Variants in BEND6 observed in about 807,000 individuals in gnomAD.
BEND6 encodes BEN domain-containing protein 6.
BEND6 carries 24 observed loss-of-function variants against 31.8 expected under a neutral mutation model. The observed-to-expected ratio is 0.75, with a 90% CI of 0.55 to 1.06. The LOEUF is 1.06. Among genes scored for constraint, BEND6 ranks in the 50% least tolerant of loss-of-function variants. BEND6 has a pLI of 0.00. For synonymous variants in BEND6, 109 were observed against 114.6 expected, an observed-to-expected ratio of 0.95 and a Z score of 0.31; for missense variants, 294 against 327.4, an observed-to-expected ratio of 0.90 and a Z score of 0.79.
At chr6:57,020,360 C>T (rs1240267977) in intron 6 of BEND6, among the ~76,000 whole-genome samples, 1 of 151,710 alleles carries the variant, frequency 6.6e-6, no homozygotes, top group Non-Finnish European at 1.5e-5. Context: ...AATCCTTCCA[C>T]CTTGAACTCC....
chr6:56,955,618 A>G (rs1824739709), intron 1 of BEND6, among the ~76,000 whole-genome samples, 158 bp downstream of exon 1: 1 of 152,164 alleles, frequency 6.6e-6, no homozygotes, highest in Non-Finnish European at 1.5e-5. Context: ...TGGTCGGCAG[A>G]GGTGAACTCT....
At chr6:56,956,010 C>T (rs1450631441) in intron 1 of BEND6, among the ~76,000 whole-genome samples, 1 of 152,202 alleles carries the variant, frequency 6.6e-6, no homozygotes, top group Non-Finnish European at 1.5e-5. Flanking sequence ...CGGACGGCCA[C>T]GGCCACCTGG....
chr6:56,975,923 G>T, intron 1 of BEND6: 1 of 531,908 alleles, frequency 1.9e-6, no homozygotes, highest in South Asian at 1.4e-5. Flanking sequence ...TCCTCCAGTG[G>T]TGAGGAAGTA....
intron 2 of BEND6, among the ~76,000 whole-genome samples, chr6:56,987,299 G>A (rs1359964610): frequency 3.3e-5 from 5 of 152,096 alleles, no homozygotes; most frequent in African/African-American, 1.2e-4. Flanking sequence ...TATTTCATTA[G>A]TTCCTCCAGA....
Position 56,959,493 on chromosome 6 carries a change from A to G in BEND6, c.-101+4033A>G, listed in dbSNP as rs140731881. On this transcript the variant is annotated intron_variant, in intron 1 of 6. Transcript: ENST00000370746. ...AGCAATAAATTATTAGAAATAAAGC[A>G]TATTGATTTTGGCCTGGTAACTTCC... is the stretch of plus-strand genomic sequence containing the variant. Among the ~76,000 whole-genome samples the G allele has an allele frequency of 9.8e-3, 1,493 of 152,318 alleles. 20 individuals are homozygous for G. Among genetic ancestry groups the G allele is most frequent in the African/African-American group, 0.034 (1,413 of 41,564 alleles).
intron 2 of BEND6, among the ~76,000 whole-genome samples, chr6:56,990,626 G>A (rs191355979): frequency 5.3e-5 from 8 of 152,180 alleles, no homozygotes; most frequent in Admixed American, 1.3e-4. Context: ...TTTTTAATAA[G>A]CCTTTGTATT....
At chr6:57,016,585 C>A (rs1159157800) in intron 4 of BEND6, among the ~76,000 whole-genome samples, 3 of 152,178 alleles carry the variant, frequency 2.0e-5, no homozygotes, top group African/African-American at 7.2e-5. Context: ...AATCACATTC[C>A]TTGGTTCACA....
intron 1 of BEND6, among the ~76,000 whole-genome samples, chr6:56,968,402 C>A (rs1825566943): frequency 6.7e-6 from 1 of 149,226 alleles, no homozygotes; most frequent in Admixed American, 6.7e-5. Flanking sequence ...CTCACTGCAG[C>A]CTCAAACTCC....
At chr6:56,974,216 G>A (rs974365891) in intron 1 of BEND6, among the ~76,000 whole-genome samples, 1 of 152,060 alleles carries the variant, frequency 6.6e-6, no homozygotes, top group African/African-American at 2.4e-5. Flanking sequence ...AGTCAATGGA[G>A]AAAAAGGAAT....
chr6:56,974,897 G>A (rs1825819238), intron 1 of BEND6, among the ~76,000 whole-genome samples: 1 of 152,096 alleles, frequency 6.6e-6, no homozygotes, highest in African/African-American at 2.4e-5. Context: ...AAGGCAGGTG[G>A]ATCACCTGAG....
intron 3 of BEND6, chr6:57,009,151 T>G (rs1018087207): frequency 2.0e-5 from 3 of 151,896 alleles, no homozygotes; most frequent in Non-Finnish European, 4.4e-5. Flanking sequence ...AAGGGAAAGG[T>G]AGGGAGAGAT....
intron 1 of BEND6, among the ~76,000 whole-genome samples, chr6:56,958,506 G>T (rs1410170356): frequency 6.6e-6 from 1 of 152,146 alleles, no homozygotes; most frequent in African/African-American, 2.4e-5. Flanking sequence ...ATAACAAACT[G>T]CATTTTAGAC....
chr6:57,013,650 G>C (rs922939456), intron 3 of BEND6, among the ~76,000 whole-genome samples: 3 of 152,194 alleles, frequency 2.0e-5, no homozygotes, highest in Non-Finnish European at 2.9e-5. Flanking sequence ...AGGAGCTCAT[G>C]ATGAGTGGCG....
In BEND6 at chr6:56,992,305, G is replaced by C. The variant is rs145768809; in HGVS notation, c.121-73G>C. ...AAGAAATTTGTAGTCCCAACAACAT[G>C]CAATGGTTAACCAGAGATAAACCAT... is the stretch of plus-strand genomic sequence containing the variant. On this transcript the variant is annotated intron_variant, in intron 2 of 6. Coordinates refer to ENST00000370746, the MANE Select transcript of BEND6 (RefSeq NM_152731.3). The C allele has an allele frequency of 1.2e-3, 1,664 of 1,443,540 alleles. 16 individuals carry two copies. The African/African-American group carries it at 0.019, about 17-fold the overall frequency. 89.4% of individuals were successfully genotyped at this position (1,443,540 alleles called of 1,614,324 possible).
intron 1 of BEND6, among the ~76,000 whole-genome samples, chr6:56,964,767 A>G (rs1404814234): frequency 6.6e-6 from 1 of 152,158 alleles, no homozygotes; most frequent in Non-Finnish European, 1.5e-5. Flanking sequence ...AAGTATTGGG[A>G]TTACAGGTGT....
At chr6:57,005,528 A>C (rs1468140590) in intron 3 of BEND6, among the ~76,000 whole-genome samples, 4 of 151,998 alleles carry the variant, frequency 2.6e-5, no homozygotes, top group Admixed American at 6.6e-5. Context: ...ATACAAAAAA[A>C]AATTAGCCAG....
At chr6:56,987,981 T>C (rs774447565) in intron 2 of BEND6, among the ~76,000 whole-genome samples, 2 of 151,830 alleles carry the variant, frequency 1.3e-5, no homozygotes, top group Non-Finnish European at 2.9e-5. Context: ...TTTTTTAAAC[T>C]AAAAGGTAAA....
chr6:57,017,382 A>G lies in BEND6; in HGVS notation c.695A>G (p.Glu232Gly). 2 of 1,359,052 alleles carry G rather than the reference A, an allele frequency of 1.5e-6. No homozygotes were observed. Among genetic ancestry groups the G allele is most frequent in the South Asian group, 4.7e-5 (2 of 42,574 alleles). 84.2% of individuals were successfully genotyped at this position (1,359,052 alleles called of 1,614,324 possible). A position where few individuals can be genotyped will look rare whatever the true frequency, so the allele number is the denominator to read the frequency against. The stretch of plus-strand genomic sequence containing the variant: ...GTAAAACCAGCTATGAATCAGAATG[A>G]AGTCCAAGAAATCATAGGTGATAAT... ...KAVKPAMNQNEVQEIIGVTKQ... is the reference protein window; with the variant it reads ...KAVKPAMNQNGVQEIIGVTKQ... Residue 232 changes from glutamate (E) to glycine (G), a missense_variant, in exon 5 of 7, where the codon GAA (glutamate) becomes GGA (glycine). Physicochemically the swap from Glu to Gly is moderately conservative, Grantham distance 98. Transcript: ENST00000370746.
chr6:57,022,387 C>A (rs1033136896), intron 6 of BEND6, among the ~76,000 whole-genome samples: 1 of 151,798 alleles, frequency 6.6e-6, no homozygotes, highest in Non-Finnish European at 1.5e-5. Context: ...TTAACCATTT[C>A]TTCTAGGTTT....
Sources: gnomAD v4.1 joint callset for allele counts (sites outside exome capture counted in the v4.1 genomes callset) on GRCh38, gnomAD v4.1.1 for gene constraint, MANE v1.5 for transcripts, NCBI Gene and HGNC (gene_info 2026-07-23, HGNC 2026-07-21) for gene names.